GRXCR1: variants seen among roughly 807,000 people sequenced by gnomAD.
GRXCR1 encodes glutaredoxin domain-containing cysteine-rich protein 1.
Under a neutral mutation model 27.3 loss-of-function variants are expected in GRXCR1, and 27 were observed. The observed-to-expected ratio is 0.99, with a 90% confidence interval of 0.73 to 1.37. The LOEUF is 1.37. GRXCR1 is among the 40% of genes most tolerant of loss of function. The pLI, the probability that GRXCR1 is intolerant of heterozygous loss-of-function variation, is 0.00. For synonymous variants in GRXCR1, 122 were observed against 131.1 expected (o/e 0.93, Z 0.47); for missense variants, 379 against 354.4 (o/e 1.07, Z -0.56).
At chr4:42,964,390 T>A (rs1355734992) in intron 2 of GRXCR1, among the ~76,000 whole-genome samples, 1 of 151,988 alleles carries the variant, frequency 6.6e-6, no homozygotes, top group Non-Finnish European at 1.5e-5. Context: ...TGTTTTAAAT[T>A]CCTGTCCTGA....
At chr4:43,019,985 C>G (rs536831952) in intron 2 of GRXCR1, among the ~76,000 whole-genome samples, 1 of 152,144 alleles carries the variant, frequency 6.6e-6, no homozygotes, top group South Asian at 2.1e-4. Flanking sequence ...TAGAGATAAC[C>G]GAGGGTGGGA....
At position 42,982,067 on chromosome 4, in the gene GRXCR1, T is replaced by TA. The variant is rs1553943466; in HGVS notation, c.627+18934dup. Among the ~76,000 whole-genome samples the TA allele has an allele frequency of 5.9e-5, 9 of 151,494 alleles. No individual in the cohort carries two copies. The East Asian group carries it at 7.7e-4, about 13-fold the overall frequency. On this transcript the variant is annotated intron_variant, in intron 2 of 3. Transcript: ENST00000399770. ...TTTCTTTCTCCTTCTTTTTTTTTTTTATTATACTTTAAGTTTTAGGGTACA... is the reference window on the plus strand; with the variant it reads ...TTTCTTTCTCCTTCTTTTTTTTTTTTAATTATACTTTAAGTTTTAGGGTACA...
intron 1 of GRXCR1, among the ~76,000 whole-genome samples, chr4:42,907,481 A>G (rs530830612): frequency 2.0e-5 from 3 of 152,234 alleles, no homozygotes; most frequent in South Asian, 2.1e-4. Context: ...CTTCTACTCA[A>G]TTAGGTGGCT....
chr4:42,957,056 G>C (rs1748021078), intron 1 of GRXCR1, among the ~76,000 whole-genome samples: 1 of 151,984 alleles, frequency 6.6e-6, no homozygotes, highest in Non-Finnish European at 1.5e-5. Context: ...CATTTGAAGA[G>C]TGTCAAACAT....
intron 1 of GRXCR1, among the ~76,000 whole-genome samples, chr4:42,936,266 C>T (rs1487598073): frequency 6.6e-6 from 1 of 151,672 alleles, no homozygotes; most frequent in East Asian, 1.9e-4. Context: ...GACCACATAC[C>T]AAGTTGAAAA....
intron 1 of GRXCR1, among the ~76,000 whole-genome samples, chr4:42,927,940 GA>G (rs1463474923): frequency 6.6e-6 from 1 of 151,952 alleles, no homozygotes; most frequent in African/African-American, 2.4e-5. Flanking sequence ...ACCAATAAAA[GA>G]AAACCAAACT....
intron 2 of GRXCR1, among the ~76,000 whole-genome samples, chr4:43,001,076 C>T (rs1274573343): frequency 6.6e-6 from 1 of 151,432 alleles, no homozygotes; most frequent in Non-Finnish European, 1.5e-5. Context: ...ACAGGGAGCC[C>T]TCATTGTGCC....
At chr4:42,969,093 C>T (rs895292162) in intron 2 of GRXCR1, among the ~76,000 whole-genome samples, 2 of 151,964 alleles carry the variant, frequency 1.3e-5, no homozygotes, top group Non-Finnish European at 2.9e-5. Context: ...GGTGGGGAGC[C>T]TTTGGTAAAT....
At chr4:42,984,199 G>T (rs1264679497) in intron 2 of GRXCR1, among the ~76,000 whole-genome samples, 4 of 151,952 alleles carry the variant, frequency 2.6e-5, no homozygotes, top group African/African-American at 7.2e-5. Flanking sequence ...TTTTCATTTT[G>T]CTCATTGTAT....
chr4:42,932,479 G>A (rs1308128100), intron 1 of GRXCR1, among the ~76,000 whole-genome samples: 1 of 145,950 alleles, frequency 6.9e-6, no homozygotes. Flanking sequence ...ATGCAGCCAT[G>A]GTCTCTTAGC....
intron 2 of GRXCR1, among the ~76,000 whole-genome samples, chr4:43,003,151 G>A (rs1381489313): frequency 2.0e-5 from 3 of 152,184 alleles, no homozygotes; most frequent in African/African-American, 7.2e-5. Context: ...CTGTAGAACT[G>A]TTAGTCACTT....
intron 2 of GRXCR1, among the ~76,000 whole-genome samples, chr4:42,987,248 A>ATATAATAT (rs370379241): frequency 1.5e-5 from 1 of 67,564 alleles, no homozygotes; most frequent in Non-Finnish European, 3.0e-5. Flanking sequence ...TATAATATAT[A>ATATAATAT]ATATATATAT....
intron 2 of GRXCR1, among the ~76,000 whole-genome samples, chr4:43,017,645 T>C (rs1223230858): frequency 2.0e-5 from 3 of 152,198 alleles, no homozygotes; most frequent in Non-Finnish European, 2.9e-5. Context: ...AATATTTCCA[T>C]AGGTGTCGTG....
At chr4:42,904,172 T>C (rs1354253308) in intron 1 of GRXCR1, among the ~76,000 whole-genome samples, 1 of 152,194 alleles carries the variant, frequency 6.6e-6, no homozygotes, top group Non-Finnish European at 1.5e-5. Context: ...CCATGGATTC[T>C]GGTGTCCATC....
chr4:42,993,377 G>T (rs183183707), intron 2 of GRXCR1, among the ~76,000 whole-genome samples: 3 of 151,774 alleles, frequency 2.0e-5, no homozygotes, highest in Admixed American at 2.0e-4. Context: ...TAGAATTTTC[G>T]CTTTAGCCTC....
intron 2 of GRXCR1, among the ~76,000 whole-genome samples, chr4:42,991,799 C>T (rs748664998): frequency 1.1e-4 from 16 of 151,938 alleles, no homozygotes; most frequent in Non-Finnish European, 1.8e-4. Flanking sequence ...TTTTTTCACT[C>T]CTCCCCACCA....
chr4:43,024,218 A>T (rs1291515295), intron 3 of GRXCR1, among the ~76,000 whole-genome samples: 1 of 9,146 alleles, frequency 1.1e-4, no homozygotes, highest in Non-Finnish European at 2.0e-4. Flanking sequence ...TTTTTTGGTA[A>T]AGCTTATAAA....
chr4:42,976,208 G>C (rs1225465431), intron 2 of GRXCR1, among the ~76,000 whole-genome samples: 3 of 151,944 alleles, frequency 2.0e-5, no homozygotes, highest in African/African-American at 7.3e-5. Flanking sequence ...AAAGTATAAA[G>C]CGGTTCTGTT....
At chr4:42,935,187 A>G (rs1747428121) in intron 1 of GRXCR1, among the ~76,000 whole-genome samples, 1 of 152,000 alleles carries the variant, frequency 6.6e-6, no homozygotes, top group Admixed American at 6.6e-5. Flanking sequence ...AAAGAATTAT[A>G]GACTCTTAGA....
Sources: gnomAD v4.1 joint callset for allele counts (sites outside exome capture counted in the v4.1 genomes callset) on GRCh38, gnomAD v4.1.1 for gene constraint, MANE v1.5 for transcripts, NCBI Gene and HGNC (gene_info 2026-07-23, HGNC 2026-07-21) for gene names.